The following MED27 variants were observed in gnomAD, a reference collection of about 807,000 sequenced individuals.
MED27 encodes the protein mediator complex subunit 27.
MED27 carries 30 observed loss-of-function variants against 38.2 expected under a neutral mutation model. The ratio of observed to expected loss-of-function variants is 0.79; its 90% CI spans 0.59 to 1.07. MED27 has a LOEUF of 1.07. MED27 is among the 50% of genes least tolerant of loss of function. The probability of loss-of-function intolerance (pLI) is 0.00; values close to 1 mark genes in which losing one functional copy is unlikely to be tolerated. For missense variants in MED27, 289 were observed against 397.5 expected (o/e 0.73, Z 2.32); for synonymous variants, 122 against 153.5 (o/e 0.79, Z 1.52).
chr9:131,984,312 T>C (rs572982533), intron 3 of MED27, among the ~76,000 whole-genome samples: 2 of 152,296 alleles, frequency 1.3e-5, no homozygotes, highest in South Asian at 4.1e-4. Flanking sequence ...TCCACTAGAA[T>C]GTAAGCACCA....
At chr9:132,057,044 C>T (rs903501830) in intron 2 of MED27, among the ~76,000 whole-genome samples, 14 of 152,200 alleles carry the variant, frequency 9.2e-5, no homozygotes, top group African/African-American at 3.4e-4. Flanking sequence ...AAAGGAGTTG[C>T]TCTAGCTCTT....
intron 3 of MED27, among the ~76,000 whole-genome samples, chr9:131,974,329 A>G (rs991401556): frequency 4.6e-5 from 7 of 152,374 alleles, no homozygotes; most frequent in African/African-American, 1.7e-4. Context: ...TACTTGCAGA[A>G]GAAGGTACCA....
Position 132,046,630 on chromosome 9 carries a change from G to A in MED27, c.348+30812C>T, listed in dbSNP as rs966238748. On this transcript the variant is annotated intron_variant, in intron 2 of 7. Coordinates refer to ENST00000292035, the MANE Select transcript of MED27 (RefSeq NM_004269.4). The stretch of plus-strand genomic sequence containing the variant: ...CGTCTCTCCATTCTCTCACGTCCCA[G>A]CCCCCAAGCAATCGTAGCAGTGGTG... Among the ~76,000 whole-genome samples the A allele has an allele frequency of 3.3e-5, 5 of 152,146 alleles. No individual in the cohort carries two copies. The East Asian group carries it at 9.6e-4, about 29-fold the overall frequency.
chr9:131,993,383 C>T lies in MED27; in HGVS notation c.479+20954G>A, dbSNP rs570311580. ...ACAGCAACAGTATCACAGCTGAGGA[C>T]GAAAGAGGGTGGGAGACACAGAGAC... On this transcript the variant is annotated intron_variant, in intron 3 of 7. Coordinates refer to ENST00000292035, the MANE Select transcript of MED27 (RefSeq NM_004269.4). 5.3e-5 allele frequency among the ~76,000 whole-genome samples: 8 copies of T among 152,212 alleles called. No individual in the cohort carries two copies. The South Asian group carries it at 1.0e-3, about 20-fold the overall frequency.
chr9:131,912,720 G>A (rs1291534949), intron 4 of MED27, among the ~76,000 whole-genome samples: 2 of 152,068 alleles, frequency 1.3e-5, no homozygotes, highest in African/African-American at 2.4e-5. Flanking sequence ...CCTTTTTATG[G>A]TTACATTATA....
At chr9:131,983,803 T>C (rs1006983367) in intron 3 of MED27, among the ~76,000 whole-genome samples, 1 of 152,220 alleles carries the variant, frequency 6.6e-6, no homozygotes, top group African/African-American at 2.4e-5. Flanking sequence ...ATCTTAATAA[T>C]TGAAATTAGC....
chr9:132,028,265 C>CT, intron 2 of MED27, among the ~76,000 whole-genome samples: 1 of 152,212 alleles, frequency 6.6e-6, no homozygotes, highest in East Asian at 1.9e-4. Flanking sequence ...CCTAAAGGAG[C>CT]TGGGGGTGCT....
intron 3 of MED27, among the ~76,000 whole-genome samples, chr9:131,950,535 C>T (rs912902856): frequency 7.9e-5 from 12 of 152,222 alleles, no homozygotes; most frequent in Non-Finnish European, 2.9e-5. Context: ...ATTTTTTTAA[C>T]GTCCCTGAGA....
chr9:131,910,605 G>C (rs1340842018), intron 4 of MED27, among the ~76,000 whole-genome samples: 3 of 152,140 alleles, frequency 2.0e-5, no homozygotes, highest in Non-Finnish European at 4.4e-5. Flanking sequence ...GGCTTTTTCA[G>C]CATCCTAGGG....
chr9:132,042,385 G>A (rs1261685425), intron 2 of MED27, among the ~76,000 whole-genome samples: 1 of 152,166 alleles, frequency 6.6e-6, no homozygotes, highest in Non-Finnish European at 1.5e-5. Flanking sequence ...TTACAGATGA[G>A]AAAACAGGCT....
rs34742134 is a variant in MED27, at chr9:131,993,230, GTTT to G, written c.479+21104_479+21106del. ...TAGTTTAACATCAGTTGTTATTCAT[GTTT>G]TTTTTTTTTTAAAAAATTCAAGTTT... On this transcript the variant is annotated intron_variant, in intron 3 of 7. Transcript: ENST00000292035. Among the ~76,000 whole-genome samples, 999 of 148,996 alleles carry G rather than the reference GTTT, an allele frequency of 6.7e-3. 15 individuals carry two copies. Among genetic ancestry groups the G allele is most frequent in the Non-Finnish European group, 7.3e-3 (487 of 67,158 alleles).
At chr9:131,971,616 G>A (rs1033834443) in intron 3 of MED27, among the ~76,000 whole-genome samples, 4 of 152,196 alleles carry the variant, frequency 2.6e-5, no homozygotes, top group African/African-American at 9.6e-5. Context: ...TGCCAAAAGA[G>A]GGTGGCCCGG....
intron 4 of MED27, among the ~76,000 whole-genome samples, chr9:131,939,029 C>A (rs1830735111): frequency 6.6e-6 from 1 of 152,178 alleles, no homozygotes; most frequent in Non-Finnish European, 1.5e-5. Flanking sequence ...TTTTCTTTAG[C>A]AGGATCCAAC....
chr9:132,017,661 C>A (rs917552017), intron 2 of MED27, among the ~76,000 whole-genome samples: 2 of 152,166 alleles, frequency 1.3e-5, no homozygotes, highest in Non-Finnish European at 2.9e-5. Flanking sequence ...GTTACTGCTC[C>A]ACAGGAACAG....
intron 3 of MED27, among the ~76,000 whole-genome samples, chr9:132,010,703 T>TA (rs1433342773): frequency 1.3e-5 from 2 of 152,256 alleles, no homozygotes; most frequent in African/African-American, 4.8e-5. Flanking sequence ...TATGCAGCCA[T>TA]AAAAAATGAT....
At chr9:132,041,291 A>G (rs1263543543) in intron 2 of MED27, among the ~76,000 whole-genome samples, 3 of 152,168 alleles carry the variant, frequency 2.0e-5, no homozygotes, top group Non-Finnish European at 4.4e-5. Context: ...CCCAGACTTG[A>G]GTGGACTGAA....
rs1403439631 is a variant in MED27 at position 132,053,762 on chromosome 9, G to A, written c.348+23680C>T. On this transcript the variant is annotated intron_variant, in intron 2 of 7. Coordinates refer to ENST00000292035, the MANE Select transcript of MED27 (RefSeq NM_004269.4). ...CTCCAAGTTTTCAGACAAAACAGTCGAGCCTCTTCACCAAATACAGAGTTC... is the reference window on the plus strand; with the variant it reads ...CTCCAAGTTTTCAGACAAAACAGTCAAGCCTCTTCACCAAATACAGAGTTC... Among the ~76,000 whole-genome samples, 3 of 152,206 alleles carry A rather than the reference G, an allele frequency of 2.0e-5. 1 individual carries two copies. Among genetic ancestry groups the A allele is most frequent in the Middle Eastern group, 6.8e-3 (2 of 294 alleles).
At chr9:132,063,051 C>T (rs1456617292) in intron 2 of MED27, among the ~76,000 whole-genome samples, 1 of 152,156 alleles carries the variant, frequency 6.6e-6, no homozygotes, top group Non-Finnish European at 1.5e-5. Flanking sequence ...GTCCTAGTGA[C>T]AAAAGATGGC....
At chr9:131,933,731 C>T (rs1041808842) in intron 4 of MED27, among the ~76,000 whole-genome samples, 1 of 151,830 alleles carries the variant, frequency 6.6e-6, no homozygotes, top group African/African-American at 2.4e-5. Flanking sequence ...ACATTCAATA[C>T]AAGCCTTATC....
Sources: gnomAD v4.1 joint callset for allele counts (sites outside exome capture counted in the v4.1 genomes callset) on GRCh38, gnomAD v4.1.1 for gene constraint, MANE v1.5 for transcripts, NCBI Gene and HGNC (gene_info 2026-07-23, HGNC 2026-07-21) for gene names.